Variants in CBLB observed in about 807,000 individuals in gnomAD.
The protein encoded by CBLB is E3 ubiquitin-protein ligase CBL-B.
A neutral mutation model predicts 104.9 loss-of-function variants in CBLB; 31 were observed. The ratio of observed to expected loss-of-function variants is 0.30; its 90% CI spans 0.22 to 0.40. CBLB has a LOEUF of 0.40. Among genes scored for constraint, CBLB ranks in the 10% least tolerant of loss-of-function variants. The pLI, the probability that CBLB is intolerant of heterozygous loss-of-function variation, is 1.00. For synonymous variants in CBLB, 440 were observed against 422.6 expected (o/e 1.04, Z -0.51); for missense variants, 1,062 against 1,214.6 (o/e 0.87, Z 1.87).
chr3:105,753,198 G>C (rs1398237384), intron 4 of CBLB, among the ~76,000 whole-genome samples: 2 of 151,948 alleles, frequency 1.3e-5, no homozygotes, highest in Non-Finnish European at 2.9e-5. Flanking sequence ...GAGAGTTTAG[G>C]TTTCAGGTAC....
intron 3 of CBLB, among the ~76,000 whole-genome samples, chr3:105,817,266 C>G (rs1577463757): frequency 1.3e-5 from 2 of 152,104 alleles, no homozygotes; most frequent in East Asian, 3.9e-4. Context: ...CAGCCATTAT[C>G]AGTAATCTTA....
At chr3:105,784,229 C>T (rs980996882) in intron 3 of CBLB, among the ~76,000 whole-genome samples, 1 of 152,142 alleles carries the variant, frequency 6.6e-6, no homozygotes, top group Non-Finnish European at 1.5e-5. Flanking sequence ...ATGTAGACCA[C>T]TCCATTGAGA....
At chr3:105,789,110 T>G (rs2081354833) in intron 3 of CBLB, among the ~76,000 whole-genome samples, 1 of 152,070 alleles carries the variant, frequency 6.6e-6, no homozygotes, top group South Asian at 2.1e-4. Context: ...GCCACGAAAT[T>G]TTGGGGTGGT....
At chr3:105,729,797 C>T (rs1410650865) in intron 9 of CBLB, among the ~76,000 whole-genome samples, 2 of 152,028 alleles carry the variant, frequency 1.3e-5, no homozygotes, top group Non-Finnish European at 2.9e-5. Flanking sequence ...TGTGCTTTAA[C>T]TAGATTAACT....
intron 1 of CBLB, chr3:105,868,311 T>G (rs1225861626): frequency 1.1e-6 from 1 of 917,794 alleles, no homozygotes; most frequent in Non-Finnish European, 1.4e-6. Context: ...GCTCCTCGCC[T>G]CTGCCCTCAA....
At chr3:105,762,738 A>G (rs1447893987) in intron 4 of CBLB, among the ~76,000 whole-genome samples, 1 of 152,214 alleles carries the variant, frequency 6.6e-6, no homozygotes, top group East Asian at 1.9e-4. Flanking sequence ...CCTCTGCTAG[A>G]GCAGTGTGGG....
intron 3 of CBLB, among the ~76,000 whole-genome samples, chr3:105,789,354 T>C (rs562818420): frequency 6.6e-6 from 1 of 152,270 alleles, no homozygotes; most frequent in East Asian, 1.9e-4. Flanking sequence ...TTAAACAAAG[T>C]AGTTTTTACA....
chr3:105,798,247 C>T (rs1405357121), intron 3 of CBLB, among the ~76,000 whole-genome samples: 1 of 152,132 alleles, frequency 6.6e-6, no homozygotes, highest in Non-Finnish European at 1.5e-5. Flanking sequence ...AGGTATCTCA[C>T]AAGACTGTTT....
At chr3:105,815,077 A>G (rs1203962198) in intron 3 of CBLB, among the ~76,000 whole-genome samples, 1 of 152,114 alleles carries the variant, frequency 6.6e-6, no homozygotes, top group Non-Finnish European at 1.5e-5. Flanking sequence ...GTCAGGCATA[A>G]GAAATTCTCT....
chr3:105,853,781 A>C (rs1814078), intron 2 of CBLB, 117 bp from the exon 3 acceptor site: 41,287 of 706,342 alleles, frequency 0.058, 1,929 homozygotes, highest in Admixed American at 0.18. Context: ...AATGATCTTA[A>C]CTTACTATCT....
chr3:105,786,957 C>T (rs893873479), intron 3 of CBLB, among the ~76,000 whole-genome samples: 8 of 152,108 alleles, frequency 5.3e-5, no homozygotes, highest in African/African-American at 1.9e-4. Context: ...TCTTAATATG[C>T]ATGATAACAG....
chr3:105,869,119 G>A, upstream of CBLB: 6 of 870,658 alleles, frequency 6.9e-6, no homozygotes, highest in Non-Finnish European at 9.1e-6. Context: ...CTGCCCGACA[G>A]CGGGTGCAGC....
intron 4 of CBLB, among the ~76,000 whole-genome samples, chr3:105,754,690 A>G (rs62261490): frequency 1.3e-5 from 2 of 152,240 alleles, no homozygotes; most frequent in Non-Finnish European, 2.9e-5. Flanking sequence ...GTGAACAAGT[A>G]TAAGTAACTG....
chr3:105,850,188 CTAAT>C (rs2090769693), intron 3 of CBLB, among the ~76,000 whole-genome samples: 1 of 151,996 alleles, frequency 6.6e-6, no homozygotes, highest in African/African-American at 2.4e-5. Context: ...GGGTTCATCT[CTAAT>C]TGAGAGAGAA....
Position 105,685,459 on chromosome 3 carries a change from C to T in CBLB, c.2062G>A (p.Gly688Ser), listed in dbSNP as rs1576329915. 4 of 1,612,920 alleles carry T rather than the reference C, an allele frequency of 2.5e-6. No individual in the cohort carries two copies. Among genetic ancestry groups the T allele is most frequent in the East Asian group, 2.2e-5 (1 of 44,764 alleles). The change falls in exon 14 of 19, where the codon GGT becomes AGT. Residue 688 changes from glycine (G) to serine (S), a missense_variant. By Grantham distance (56) the Gly-to-Ser change is moderately conservative. This residue lies in a region of CBLB where 605 missense variants were observed against 582.6 expected (regional missense o/e 1.04). Transcript: ENST00000394030. ...TTLLPSIKCTGPLANSLSEKT... is the reference protein window; with the variant it reads ...TTLLPSIKCTSPLANSLSEKT... ...TCTGAAAGAGAATTTGCTAACGGAC[C>T]AGTACACCTACCAGGGGAAAAAAAA...
At chr3:105,859,139 A>G (rs2091881604) in intron 2 of CBLB, among the ~76,000 whole-genome samples, 1 of 152,226 alleles carries the variant, frequency 6.6e-6, no homozygotes, top group East Asian at 1.9e-4. Flanking sequence ...ATAAAAATGT[A>G]TTAGATCAGA....
intron 14 of CBLB, chr3:105,682,097 A>T (rs2066387932): frequency 2.8e-6 from 1 of 361,172 alleles, no homozygotes; most frequent in Non-Finnish European, 5.0e-6. Flanking sequence ...ATGTAAAATT[A>T]ACTTATCTCT....
intron 10 of CBLB, among the ~76,000 whole-genome samples, chr3:105,719,138 G>A (rs543657383): frequency 1.3e-5 from 2 of 152,156 alleles, no homozygotes; most frequent in African/African-American, 2.4e-5. Context: ...CAAACAGTGA[G>A]ACAGCCTTCC....
intron 13 of CBLB, among the ~76,000 whole-genome samples, chr3:105,689,366 C>T (rs942696274): frequency 1.3e-5 from 2 of 150,974 alleles, no homozygotes; most frequent in Admixed American, 6.6e-5. Flanking sequence ...GATAATACCA[C>T]CTCCAACAAC....
Sources: allele counts gnomAD v4.1 joint callset (sites outside exome capture counted in the v4.1 genomes callset), GRCh38; gene constraint gnomAD v4.1.1; regional missense constraint gnomAD v4.1.1; transcripts MANE v1.5; gene names NCBI Gene and HGNC (gene_info 2026-07-23, HGNC 2026-07-21).